ASIC2: variants seen among roughly 807,000 people sequenced by gnomAD.
ASIC2 encodes acid-sensing ion channel 2.
In ASIC2, 25 loss-of-function variants were observed where a neutral mutation model predicts 57.3. The ratio of observed to expected loss-of-function variants is 0.44; its 90% CI spans 0.32 to 0.61. The LOEUF (loss-of-function observed/expected upper bound fraction) is 0.61, where lower values mean the gene tolerates loss of function less well. Among genes scored for constraint, ASIC2 ranks in the 20% least tolerant of loss-of-function variants. The pLI is 0.06. For missense variants in ASIC2, 641 were observed against 738.1 expected, an observed-to-expected ratio of 0.87 and a Z score of 1.52; for synonymous variants, 319 against 307.5, an observed-to-expected ratio of 1.04 and a Z score of -0.39.
At chr17:34,077,047 C>A (rs1354295955) in intron 1 of ASIC2, among the ~76,000 whole-genome samples, 3 of 152,162 alleles carry the variant, frequency 2.0e-5, no homozygotes, top group Non-Finnish European at 4.4e-5. Flanking sequence ...GGAGGTGAAC[C>A]CCAGAGAAGT....
At chr17:33,461,797 AC>A (rs1478140452) in intron 1 of ASIC2, among the ~76,000 whole-genome samples, 1 of 152,148 alleles carries the variant, frequency 6.6e-6, no homozygotes, top group East Asian at 1.9e-4. Context: ...GAATAAGCAC[AC>A]ACACATGACT....
intron 1 of ASIC2, among the ~76,000 whole-genome samples, chr17:34,034,856 T>G (rs1027229639): frequency 2.6e-5 from 4 of 151,996 alleles, no homozygotes; most frequent in African/African-American, 7.3e-5. Context: ...CTCAATGAAA[T>G]AAAAGAGGAC....
At chr17:33,931,883 C>A (rs533014703) in intron 1 of ASIC2, among the ~76,000 whole-genome samples, 10 of 152,334 alleles carry the variant, frequency 6.6e-5, no homozygotes, top group Admixed American at 6.5e-4. Context: ...CTCAACATTT[C>A]CTTTAAGAAA....
chr17:33,107,443 C>A (rs747247798), intron 2 of ASIC2, among the ~76,000 whole-genome samples: 6 of 152,138 alleles, frequency 3.9e-5, no homozygotes, highest in Non-Finnish European at 7.3e-5. Context: ...GCCCTGCATC[C>A]TTTTTGTTCA....
Position 33,491,223 on chromosome 17 carries a change from C to T in ASIC2, c.556-379156G>A, listed in dbSNP as rs114562125. Reference sequence around the variant, plus strand: ...CCAGAATAGATCTTTTAGTGTACAACAAAGTGGGGTTCAGGCCAGAACACA... The same window carrying T: ...CCAGAATAGATCTTTTAGTGTACAATAAAGTGGGGTTCAGGCCAGAACACA... On this transcript the variant is annotated intron_variant, in intron 1 of 9. Transcript: ENST00000359872. Among the ~76,000 whole-genome samples, 730 of 152,268 alleles carry T rather than the reference C, an allele frequency of 4.8e-3. 5 individuals are homozygous for T. The highest frequency in any genetic ancestry group is 0.017 in the African/African-American group (690 of 41,552).
rs562814351 is a variant in ASIC2, at chr17:34,089,324, T to C, written c.555+66654A>G. On this transcript the variant is annotated intron_variant, in intron 1 of 9. Transcript: ENST00000359872. Reference sequence around the variant, plus strand: ...GGGTACACTATGACACATATGCACATGCCAAATGGTGATCAAAAATGCAAT... The same window carrying C: ...GGGTACACTATGACACATATGCACACGCCAAATGGTGATCAAAAATGCAAT... Among the ~76,000 whole-genome samples the C allele has an allele frequency of 6.0e-4, 91 of 152,184 alleles. 1 individual carries two copies. Among genetic ancestry groups the C allele is most frequent in the African/African-American group, 1.9e-3 (79 of 41,452 alleles).
chr17:33,405,923 C>G (rs544770326), intron 1 of ASIC2, among the ~76,000 whole-genome samples: 3 of 152,112 alleles, frequency 2.0e-5, no homozygotes, highest in Non-Finnish European at 4.4e-5. Context: ...CAGTTAGAGA[C>G]GACCCTGCCA....
chr17:33,037,199 A>G (rs986472656), intron 3 of ASIC2, among the ~76,000 whole-genome samples: 1 of 151,762 alleles, frequency 6.6e-6, no homozygotes, highest in Non-Finnish European at 1.5e-5. Context: ...TGAACACACA[A>G]TCTGGATTTT....
intron 1 of ASIC2, among the ~76,000 whole-genome samples, chr17:33,854,788 A>C (rs1258858279): frequency 6.6e-6 from 1 of 152,092 alleles, no homozygotes; most frequent in Non-Finnish European, 1.5e-5. Flanking sequence ...GCCAGCTCCC[A>C]TTTGTCATCT....
chr17:33,736,778 A>G (rs115895592), intron 1 of ASIC2, among the ~76,000 whole-genome samples: 1 of 150,464 alleles, frequency 6.6e-6, no homozygotes, highest in Non-Finnish European at 1.5e-5. Flanking sequence ...CATATATGGA[A>G]ACATGTACAA....
intron 1 of ASIC2, among the ~76,000 whole-genome samples, chr17:33,258,565 G>C (rs1909160326): frequency 6.6e-6 from 1 of 152,168 alleles, no homozygotes; most frequent in South Asian, 2.1e-4. Flanking sequence ...GCAGAAGGAA[G>C]GAAAAGTACA....
At chr17:33,795,324 T>G (rs981205840) in intron 1 of ASIC2, among the ~76,000 whole-genome samples, 1 of 152,250 alleles carries the variant, frequency 6.6e-6, no homozygotes, top group Admixed American at 6.5e-5. Context: ...TTTGAAAATC[T>G]CCTTCAACTC....
At chr17:33,415,300 G>A (rs1194123098) in intron 1 of ASIC2, among the ~76,000 whole-genome samples, 4 of 152,158 alleles carry the variant, frequency 2.6e-5, no homozygotes, top group African/African-American at 7.2e-5. Context: ...GTATTTTCAT[G>A]TAACCTACAC....
intron 1 of ASIC2, among the ~76,000 whole-genome samples, chr17:33,607,502 C>T (rs1439906615): frequency 1.3e-5 from 2 of 152,122 alleles, no homozygotes; most frequent in Non-Finnish European, 2.9e-5. Flanking sequence ...TAGAGGACTC[C>T]GAGGCGATCT....
At chr17:33,042,873 G>T (rs1271471775) in intron 3 of ASIC2, among the ~76,000 whole-genome samples, 3 of 152,106 alleles carry the variant, frequency 2.0e-5, no homozygotes, top group Non-Finnish European at 4.4e-5. Context: ...ACATTGCATA[G>T]ATGCATCAAA....
chr17:33,598,457 C>T (rs1380955871), intron 1 of ASIC2, among the ~76,000 whole-genome samples: 2 of 152,142 alleles, frequency 1.3e-5, no homozygotes, highest in Admixed American at 6.5e-5. Flanking sequence ...AGTAATTAGA[C>T]CCAATAGGTT....
intron 1 of ASIC2, chr17:34,037,565 G>A: frequency 7.1e-7 from 1 of 1,412,478 alleles, no homozygotes; most frequent in Non-Finnish European, 9.6e-7. Context: ...ACCCGCTGCT[G>A]AACGCCATTT....
chr17:33,704,285 G>T (rs1263445646), intron 1 of ASIC2, among the ~76,000 whole-genome samples: 5 of 152,180 alleles, frequency 3.3e-5, no homozygotes, highest in Admixed American at 3.3e-4. Flanking sequence ...GATTCAAGAT[G>T]CTAATGAGAT....
chr17:33,943,978 G>C (rs1240582945), intron 1 of ASIC2, among the ~76,000 whole-genome samples: 1 of 151,956 alleles, frequency 6.6e-6, no homozygotes, highest in Non-Finnish European at 1.5e-5. Context: ...AGGTTTATTT[G>C]TGGAAACCAC....
Sources: allele counts gnomAD v4.1 joint callset (sites outside exome capture counted in the v4.1 genomes callset), GRCh38; gene constraint gnomAD v4.1.1; transcripts MANE v1.5; gene names NCBI Gene and HGNC (gene_info 2026-07-23, HGNC 2026-07-21).